Variants in TBX19 observed in about 807,000 individuals in gnomAD.
The protein encoded by TBX19 is T-box transcription factor TBX19.
TBX19 carries 33 observed loss-of-function variants against 40.9 expected under a neutral mutation model. The ratio of observed to expected loss-of-function variants is 0.81; its 90% CI spans 0.61 to 1.08. The LOEUF (loss-of-function observed/expected upper bound fraction) is 1.08, where lower values mean the gene tolerates loss of function less well. TBX19 is among the 50% of genes least tolerant of loss of function. The probability of loss-of-function intolerance (pLI) is 0.00; values close to 1 mark genes in which losing one functional copy is unlikely to be tolerated. For synonymous variants in TBX19, 220 were observed against 225.0 expected, an observed-to-expected ratio of 0.98 and a Z score of 0.20; for missense variants, 494 against 574.0, an observed-to-expected ratio of 0.86 and a Z score of 1.42.
chr1:168,296,707 G>T (rs763330146), intron 3 of TBX19, among the ~76,000 whole-genome samples: 1 of 152,038 alleles, frequency 6.6e-6, no homozygotes, highest in Non-Finnish European at 1.5e-5. Context: ...TCAGATCCTT[G>T]CTGACATAAA....
chr1:168,312,256 G>A (rs1649542772), intron 7 of TBX19, among the ~76,000 whole-genome samples: 1 of 152,202 alleles, frequency 6.6e-6, no homozygotes, highest in Non-Finnish European at 1.5e-5. Flanking sequence ...ATCTAGCCAA[G>A]GCCACAGAGC....
At chr1:168,295,999 T>G (rs1378603337) in intron 3 of TBX19, among the ~76,000 whole-genome samples, 1 of 152,192 alleles carries the variant, frequency 6.6e-6, no homozygotes, top group African/African-American at 2.4e-5. Flanking sequence ...GACTCGCTAC[T>G]CCTGGGTCTT....
chr1:168,299,362 T>G (rs1649220868), intron 4 of TBX19, among the ~76,000 whole-genome samples: 1 of 152,212 alleles, frequency 6.6e-6, no homozygotes, highest in Non-Finnish European at 1.5e-5. Context: ...AAATAGTTTT[T>G]ATAACTGTCT....
intron 6 of TBX19, among the ~76,000 whole-genome samples, chr1:168,305,414 T>A (rs1275427242): frequency 6.6e-6 from 1 of 152,202 alleles, no homozygotes; most frequent in East Asian, 1.9e-4. Flanking sequence ...TTTAAAAAAA[T>A]TATTTCATAA....
chr1:168,291,480 T>C, intron 2 of TBX19, 56 bp downstream of exon 2: 9 of 1,612,038 alleles, frequency 5.6e-6, no homozygotes, highest in Non-Finnish European at 6.8e-6. Flanking sequence ...ACAACACCAA[T>C]CAAGAAATAT....
intron 3 of TBX19, 126 bp downstream of exon 3, chr1:168,293,404 A>G: frequency 8.0e-7 from 1 of 1,253,026 alleles, no homozygotes; most frequent in Non-Finnish European, 1.1e-6. Flanking sequence ...CAGGATTTGG[A>G]TACACTCAGC....
intron 6 of TBX19, among the ~76,000 whole-genome samples, chr1:168,307,562 C>A (rs1402572084): frequency 6.6e-6 from 1 of 152,154 alleles, no homozygotes; most frequent in East Asian, 1.9e-4. Flanking sequence ...ACACATGAAC[C>A]TTGGGGGACA....
At chr1:168,297,900 T>C (rs1471818949) in intron 4 of TBX19, 115 bp downstream of exon 4, 4 of 973,674 alleles carry the variant, frequency 4.1e-6, no homozygotes, top group African/African-American at 1.6e-5. Context: ...TTACCTTTTA[T>C]AGAAATAGGC....
rs763177941 is a variant in TBX19, at chr1:168,293,193, G to A, written c.518G>A (p.Arg173His). Residue 173 changes from arginine (R) to histidine (H), a missense_variant, in exon 3 of 8, where the codon CGT becomes CAT. By Grantham distance (29) the Arg-to-His change is conservative. Around this residue, in one of 3 missense-constraint regions of TBX19, gnomAD observed 201 missense variants for 235.2 expected, o/e 0.85. Transcript: ENST00000367821. ...HKYEPQVHIV[R>H]VGSAHRMVTN... ...TATGAACCCCAGGTTCACATAGTGC[G>A]TGTTGGAAGTGCCCATCGAATGGTA... 50 of 1,613,826 alleles carry A rather than the reference G, an allele frequency of 3.1e-5. No homozygotes were observed. Among genetic ancestry groups the A allele is most frequent in the Middle Eastern group, 1.6e-4 (1 of 6,084 alleles).
intron 3 of TBX19, among the ~76,000 whole-genome samples, chr1:168,294,936 C>T (rs544617109): frequency 2.0e-5 from 3 of 152,062 alleles, no homozygotes; most frequent in Non-Finnish European, 4.4e-5. Context: ...ATTTGTAGCC[C>T]CAACACCATG....
chr1:168,297,370 A>C (rs1464577412), intron 3 of TBX19, among the ~76,000 whole-genome samples: 1 of 152,258 alleles, frequency 6.6e-6, no homozygotes, highest in Non-Finnish European at 1.5e-5. Context: ...TGTTGAAAAA[A>C]ATAAATACAT....
intron 5 of TBX19, among the ~76,000 whole-genome samples, chr1:168,301,886 G>A (rs1053958146): frequency 3.9e-5 from 6 of 152,204 alleles, no homozygotes; most frequent in Non-Finnish European, 8.8e-5. Flanking sequence ...TTGCCCCCAG[G>A]CATGGGTGCA....
At chr1:168,299,607 T>C (rs1649225449) in intron 4 of TBX19, among the ~76,000 whole-genome samples, 1 of 151,894 alleles carries the variant, frequency 6.6e-6, no homozygotes, top group Non-Finnish European at 1.5e-5. Flanking sequence ...TCCCAAGTAG[T>C]GGGGACTACA....
Position 168,291,201 on chromosome 1 carries a change from AC to A in TBX19, c.249del (p.Asn84MetfsTer53), listed in dbSNP as rs765381811. ...PVLKISVTGL[D>X]PNAMYSLLLD... ...CTAAAGATTAGTGTCACAGGGTTGG[AC>A]CCCAATGCCATGTACTCCCTCCTGC... On this transcript the variant is annotated frameshift_variant, in exon 2 of 8. Coordinates refer to ENST00000367821, the MANE Select transcript of TBX19 (RefSeq NM_005149.3). LOFTEE classifies it high-confidence loss of function. 1 of 1,613,940 alleles carries A rather than the reference AC, an allele frequency of 6.2e-7. No homozygotes were observed. Among genetic ancestry groups the A allele is most frequent in the Non-Finnish European group, 8.5e-7 (1 of 1,179,994 alleles).
At chr1:168,310,174 T>C (rs1649488053) in intron 7 of TBX19, among the ~76,000 whole-genome samples, 1 of 151,884 alleles carries the variant, frequency 6.6e-6, no homozygotes, top group South Asian at 2.1e-4. Flanking sequence ...TGGTGGTGCA[T>C]GCCTGTAATC....
chr1:168,291,919 A>C (rs958003390), intron 2 of TBX19, among the ~76,000 whole-genome samples: 8 of 152,216 alleles, frequency 5.3e-5, no homozygotes, highest in African/African-American at 1.9e-4. Context: ...AAATCCAAAC[A>C]AACCTTCCTT....
At chr1:168,284,962 C>T (rs1648771230) in intron 1 of TBX19, among the ~76,000 whole-genome samples, 1 of 151,910 alleles carries the variant, frequency 6.6e-6, no homozygotes, top group Non-Finnish European at 1.5e-5. Flanking sequence ...GGTGCAGTGC[C>T]ACTGAGTTGC....
intron 1 of TBX19, 141 bp downstream of exon 1, chr1:168,281,434 A>G (rs1648646898): frequency 3.8e-6 from 3 of 781,216 alleles, no homozygotes; most frequent in South Asian, 3.0e-5. Context: ...ACTGTCTCCA[A>G]TGGCTTTCCT....
chr1:168,285,261 TCACACACACACACA>T (rs36217752), intron 1 of TBX19, among the ~76,000 whole-genome samples: 12 of 148,170 alleles, frequency 8.1e-5, no homozygotes, highest in Non-Finnish European at 1.5e-4. Context: ...ACCATGTATG[TCACACACACACACA>T]CACACACACA....
Sources: allele counts gnomAD v4.1 joint callset (sites outside exome capture counted in the v4.1 genomes callset), GRCh38; gene constraint gnomAD v4.1.1; regional missense constraint gnomAD v4.1.1; transcripts MANE v1.5; gene names NCBI Gene and HGNC (gene_info 2026-07-23, HGNC 2026-07-21).